Variants in TCF7L2 observed in about 807,000 individuals in gnomAD.
The protein encoded by TCF7L2 is transcription factor 7-like 2.
In TCF7L2, 23 loss-of-function variants were observed where a neutral mutation model predicts 77.9. The observed-to-expected ratio is 0.30, with a 90% CI of 0.21 to 0.42. TCF7L2 has a LOEUF of 0.42. TCF7L2 is among the 10% of genes least tolerant of loss of function. TCF7L2 has a pLI of 1.00. For synonymous variants in TCF7L2, 413 were observed against 340.2 expected, an observed-to-expected ratio of 1.21 and a Z score of -2.36; for missense variants, 654 against 793.1, an observed-to-expected ratio of 0.82 and a Z score of 2.11.
At chr10:113,094,099 A>G (rs542182775) in intron 5 of TCF7L2, among the ~76,000 whole-genome samples, 9 of 152,304 alleles carry the variant, frequency 5.9e-5, no homozygotes, top group Admixed American at 5.2e-4. Flanking sequence ...GTGCACGCGC[A>G]TGTGTGTTTT....
intron 4 of TCF7L2, among the ~76,000 whole-genome samples, chr10:112,978,633 A>ATTTTTT (rs988727404): frequency 7.9e-6 from 1 of 126,850 alleles, no homozygotes; most frequent in Admixed American, 8.1e-5. Flanking sequence ...CGCCTGGCTA[A>ATTTTTT]TTTTTTTTTT....
chr10:112,961,274 G>A (rs900740106), intron 3 of TCF7L2, among the ~76,000 whole-genome samples: 1 of 64,314 alleles, frequency 1.6e-5, no homozygotes, highest in Non-Finnish European at 2.7e-5. Context: ...CCCCAACCTC[G>A]GCCTTCCAAA....
At chr10:113,130,954 C>T (rs1261559800) in intron 5 of TCF7L2, among the ~76,000 whole-genome samples, 2 of 151,810 alleles carry the variant, frequency 1.3e-5, no homozygotes, top group East Asian at 1.9e-4. Context: ...TTAGTAGAGA[C>T]GGGGTTTCAT....
At chr10:113,123,049 A>G (rs1282094756) in intron 5 of TCF7L2, among the ~76,000 whole-genome samples, 1 of 152,252 alleles carries the variant, frequency 6.6e-6, no homozygotes, top group Non-Finnish European at 1.5e-5. Flanking sequence ...AACCCTCAGT[A>G]GATCGGAGTT....
Position 112,992,719 on chromosome 10 carries a change from C to A in TCF7L2, c.450+28095C>A, listed in dbSNP as rs1484566059. On this transcript the variant is annotated intron_variant, in intron 4 of 13. Transcript: ENST00000627217. ...CCTGAGGACTGGACCTCCAAGCAGA[C>A]CCCCTCTGTGACTCCGGAATGCAGT... 2.6e-5 allele frequency among the ~76,000 whole-genome samples: 4 copies of A among 151,990 alleles called. No homozygotes were observed. The East Asian group carries it at 5.8e-4, about 22-fold the overall frequency.
At chr10:113,149,034 T>C (rs1371948341) in intron 8 of TCF7L2, among the ~76,000 whole-genome samples, 1 of 152,158 alleles carries the variant, frequency 6.6e-6, no homozygotes, top group African/African-American at 2.4e-5. Context: ...ACACATATTC[T>C]CATTCTGCAG....
At chr10:113,131,717 T>G (rs1365245417) in intron 5 of TCF7L2, among the ~76,000 whole-genome samples, 1 of 152,216 alleles carries the variant, frequency 6.6e-6, no homozygotes, top group Non-Finnish European at 1.5e-5. Flanking sequence ...CCTGAAACCT[T>G]GTATTCTTAG....
intron 5 of TCF7L2, among the ~76,000 whole-genome samples, chr10:113,101,201 G>A (rs142124232): frequency 6.6e-6 from 1 of 152,152 alleles, no homozygotes; most frequent in Non-Finnish European, 1.5e-5. Flanking sequence ...CCCTCTTTCA[G>A]ATTTAATGAT....
At chr10:113,147,476 A>G (rs1490412739) in intron 8 of TCF7L2, among the ~76,000 whole-genome samples, 2 of 152,238 alleles carry the variant, frequency 1.3e-5, no homozygotes, top group Non-Finnish European at 2.9e-5. Flanking sequence ...ATATATCATC[A>G]AAATTTCAAA....
At chr10:113,102,289 A>G (rs1202743011) in intron 5 of TCF7L2, among the ~76,000 whole-genome samples, 1 of 152,066 alleles carries the variant, frequency 6.6e-6, no homozygotes, top group Non-Finnish European at 1.5e-5. Flanking sequence ...GTTTATGCCT[A>G]AGTTTTCACA....
rs547212150 is a variant in TCF7L2, at chr10:113,009,347, G to T, written c.451-30678G>T. Among the ~76,000 whole-genome samples the T allele has an allele frequency of 5.3e-5, 8 of 152,324 alleles. No individual in the cohort carries two copies. The East Asian group carries it at 1.4e-3, about 26-fold the overall frequency. ...CTCCGAGTTGCATTACCTCCTGAGA[G>T]GTCTCAGCAAATCACTGCCATCTCT... On this transcript the variant is annotated intron_variant, in intron 4 of 13. Transcript: ENST00000627217.
intron 4 of TCF7L2, among the ~76,000 whole-genome samples, chr10:113,014,334 CCTT>C (rs142153034): frequency 1.3e-5 from 2 of 152,216 alleles, no homozygotes; most frequent in African/African-American, 4.8e-5. Context: ...TAGTTACACT[CCTT>C]CTGGGACCTG....
At chr10:113,135,416 A>C in intron 5 of TCF7L2, among the ~76,000 whole-genome samples, 1 of 152,178 alleles carries the variant, frequency 6.6e-6, no homozygotes, top group Non-Finnish European at 1.5e-5. Context: ...CTCAAAACCC[A>C]TGGAGCCTAA....
intron 5 of TCF7L2, among the ~76,000 whole-genome samples, chr10:113,070,266 A>ATTTATAT (rs953072031): frequency 0.065 from 6,246 of 95,988 alleles, 199 homozygotes; most frequent in Middle Eastern, 0.11. Context: ...AAAAAAAAAA[A>ATTTATAT]ATTTATATAT....
intron 4 of TCF7L2, among the ~76,000 whole-genome samples, chr10:112,974,367 A>T (rs1454301709): frequency 6.6e-6 from 1 of 152,234 alleles, no homozygotes; most frequent in East Asian, 1.9e-4. Flanking sequence ...CGTATCAGCC[A>T]TACGTGTGCC....
chr10:112,993,285 C>T (rs1240336729), intron 4 of TCF7L2, among the ~76,000 whole-genome samples: 3 of 151,762 alleles, frequency 2.0e-5, no homozygotes, highest in East Asian at 3.9e-4. Context: ...TTTGGGAGGC[C>T]GAGGCAGGCG....
At chr10:113,004,606 G>A (rs757096285) in intron 4 of TCF7L2, among the ~76,000 whole-genome samples, 8 of 152,122 alleles carry the variant, frequency 5.3e-5, no homozygotes, top group Non-Finnish European at 8.8e-5. Context: ...AATCTTAAAC[G>A]TCTTCAGACA....
intron 5 of TCF7L2, among the ~76,000 whole-genome samples, chr10:113,082,433 T>A (rs2059406694): frequency 2.0e-5 from 3 of 152,160 alleles, no homozygotes; most frequent in African/African-American, 2.4e-5. Flanking sequence ...ATAGGTACAC[T>A]TTCCCCCCCA....
intron 4 of TCF7L2, among the ~76,000 whole-genome samples, chr10:112,990,338 C>T (rs932881527): frequency 1.3e-5 from 2 of 152,142 alleles, no homozygotes; most frequent in African/African-American, 2.4e-5. Flanking sequence ...TCTCCCCCAA[C>T]CTTTTCCCCA....
Sources: gnomAD v4.1 joint callset for allele counts (sites outside exome capture counted in the v4.1 genomes callset) on GRCh38, gnomAD v4.1.1 for gene constraint, MANE v1.5 for transcripts, NCBI Gene and HGNC (gene_info 2026-07-23, HGNC 2026-07-21) for gene names.